Variants in ASIC2 observed in about 807,000 individuals in gnomAD.
ASIC2 encodes the protein acid-sensing ion channel 2.
Under a neutral mutation model 57.3 loss-of-function variants are expected in ASIC2, and 25 were observed. That is an observed-to-expected ratio of 0.44 (90% CI 0.32 to 0.61). The LOEUF is 0.61. ASIC2 is among the 20% of genes least tolerant of loss of function. The probability of loss-of-function intolerance (pLI) is 0.06; values close to 1 mark genes in which losing one functional copy is unlikely to be tolerated. For synonymous variants in ASIC2, 319 were observed against 307.5 expected, an observed-to-expected ratio of 1.04 and a Z score of -0.39; for missense variants, 641 against 738.1, an observed-to-expected ratio of 0.87 and a Z score of 1.52.
chr17:33,731,780 A>G (rs1471023967), intron 1 of ASIC2, among the ~76,000 whole-genome samples: 13 of 152,218 alleles, frequency 8.5e-5, no homozygotes, highest in Admixed American at 7.9e-4. Flanking sequence ...AGCTGGATGC[A>G]GGTCTATCTC....
At chr17:33,934,947 A>G (rs1231950400) in intron 1 of ASIC2, among the ~76,000 whole-genome samples, 3 of 152,152 alleles carry the variant, frequency 2.0e-5, no homozygotes, top group Admixed American at 6.5e-5. Flanking sequence ...TGTGCTGGAA[A>G]GGTCCTCATA....
At chr17:34,102,313 G>A (rs1448199667) in intron 1 of ASIC2, among the ~76,000 whole-genome samples, 1 of 152,010 alleles carries the variant, frequency 6.6e-6, no homozygotes, top group African/African-American at 2.4e-5. Context: ...CTAGGTGACA[G>A]AGTGAGACTC....
intron 1 of ASIC2, among the ~76,000 whole-genome samples, chr17:33,330,230 A>G (rs1337639302): frequency 6.6e-6 from 1 of 152,146 alleles, no homozygotes; most frequent in Non-Finnish European, 1.5e-5. Flanking sequence ...ATTTAGGCTT[A>G]TTCTAGACTC....
At chr17:33,155,564 C>CTT (rs558082080) in intron 1 of ASIC2, among the ~76,000 whole-genome samples, 2,388 of 130,776 alleles carry the variant, frequency 0.018, 39 homozygotes, top group African/African-American at 0.027. Flanking sequence ...TTCTTTCTTT[C>CTT]TTTTTTTTTT....
Position 33,516,253 on chromosome 17 carries a change from C to T in ASIC2, c.556-404186G>A, listed in dbSNP as rs1371567991. ...GCCACCACCACTCCCACATTGCCTT[C>T]CTTCTTCACACACAACCAGAACGTG... is the stretch of plus-strand genomic sequence containing the variant. On this transcript the variant is annotated intron_variant, in intron 1 of 9. Transcript: ENST00000359872. Among the ~76,000 whole-genome samples the T allele has an allele frequency of 3.3e-5, 5 of 152,334 alleles. No individual in the cohort carries two copies. In the South Asian group the frequency reaches 6.2e-4, roughly 19 times the overall value.
At chr17:33,421,948 A>G (rs1911059200) in intron 1 of ASIC2, among the ~76,000 whole-genome samples, 1 of 152,184 alleles carries the variant, frequency 6.6e-6, no homozygotes, top group South Asian at 2.1e-4. Context: ...TAACAGCCTG[A>G]AAGTTTGGGG....
At chr17:33,150,907 G>C (rs953596320) in intron 1 of ASIC2, among the ~76,000 whole-genome samples, 2 of 150,074 alleles carry the variant, frequency 1.3e-5, no homozygotes, top group African/African-American at 4.9e-5. Context: ...TCAGGCACTT[G>C]TAATCCCAGC....
At chr17:33,947,586 A>G (rs1338468238) in intron 1 of ASIC2, among the ~76,000 whole-genome samples, 1 of 151,282 alleles carries the variant, frequency 6.6e-6, no homozygotes, top group Admixed American at 6.6e-5. Context: ...GCAAAGGGAC[A>G]TTCGCATGCA....
At chr17:34,115,597 A>G (rs998629073) in intron 1 of ASIC2, among the ~76,000 whole-genome samples, 1 of 152,200 alleles carries the variant, frequency 6.6e-6, no homozygotes, top group African/African-American at 2.4e-5. Context: ...CCTTCTCTTA[A>G]CTTCTATTCT....
chr17:33,375,411 G>A (rs1909240939), intron 1 of ASIC2, among the ~76,000 whole-genome samples: 1 of 152,182 alleles, frequency 6.6e-6, no homozygotes, highest in South Asian at 2.1e-4. Flanking sequence ...AGAGTGGCAG[G>A]AGAAGAGGTC....
chr17:33,704,699 C>G (rs1908811255), intron 1 of ASIC2, among the ~76,000 whole-genome samples: 1 of 152,156 alleles, frequency 6.6e-6, no homozygotes, highest in Admixed American at 6.5e-5. Flanking sequence ...TCACATTCTG[C>G]CTCTGCTGCC....
chr17:33,582,797 G>A (rs1268556320), intron 1 of ASIC2, among the ~76,000 whole-genome samples: 1 of 151,618 alleles, frequency 6.6e-6, no homozygotes, highest in Non-Finnish European at 1.5e-5. Flanking sequence ...ACATTCCAAA[G>A]CTTCATTTTC....
At chr17:33,805,935 C>T (rs1343164681) in intron 1 of ASIC2, among the ~76,000 whole-genome samples, 1 of 152,214 alleles carries the variant, frequency 6.6e-6, no homozygotes, top group Non-Finnish European at 1.5e-5. Context: ...CATCCATATA[C>T]ACACACTTGC....
Position 33,817,223 on chromosome 17 carries a change from G to A in ASIC2, c.555+338755C>T, listed in dbSNP as rs892190587. 3.0e-4 allele frequency among the ~76,000 whole-genome samples: 45 copies of A among 152,348 alleles called. 1 individual carries two copies. The highest frequency in any genetic ancestry group is 6.7e-4 in the African/African-American group (28 of 41,582). Reference sequence around the variant, plus strand: ...TAGCCCAGGATGCATCCTTACCTGAGGCACTTGGGATTTAAACAACCTCAT... The same window carrying A: ...TAGCCCAGGATGCATCCTTACCTGAAGCACTTGGGATTTAAACAACCTCAT... On this transcript the variant is annotated intron_variant, in intron 1 of 9. Transcript: ENST00000359872.
rs564607330 is a variant in ASIC2 at position 33,033,753 on chromosome 17, G to A, written c.988-5361C>T. On this transcript the variant is annotated intron_variant, in intron 3 of 9. Transcript: ENST00000225823. ...CAGAGAAGGCCTGAAGGCTGTGGGA[G>A]GGACTGCCAGTCTTGCTCACTGGAG... Among the ~76,000 whole-genome samples the A allele has an allele frequency of 8.1e-4, 124 of 152,336 alleles. 1 individual carries two copies. The highest frequency in any genetic ancestry group is 2.8e-3 in the African/African-American group (118 of 41,590).
intron 1 of ASIC2, among the ~76,000 whole-genome samples, chr17:33,264,522 G>A (rs1421033435): frequency 6.6e-6 from 1 of 152,246 alleles, no homozygotes; most frequent in African/African-American, 2.4e-5. Context: ...CTCCTTTCCT[G>A]TGATCAGAAC....
At chr17:33,760,532 G>C (rs1220687840) in intron 1 of ASIC2, among the ~76,000 whole-genome samples, 1 of 151,848 alleles carries the variant, frequency 6.6e-6, no homozygotes, top group Non-Finnish European at 1.5e-5. Context: ...GTGTGTGTGT[G>C]TGTGCCATAG....
chr17:33,979,307 CA>C (rs1468607631), intron 1 of ASIC2, among the ~76,000 whole-genome samples: 1 of 152,118 alleles, frequency 6.6e-6, no homozygotes, highest in African/African-American at 2.4e-5. Flanking sequence ...GCTGCTGCTC[CA>C]TGCCTACCAC....
At chr17:33,648,611 T>G (rs1381593969) in intron 1 of ASIC2, among the ~76,000 whole-genome samples, 1 of 152,212 alleles carries the variant, frequency 6.6e-6, no homozygotes, top group Non-Finnish European at 1.5e-5. Flanking sequence ...CAGCCTGCAT[T>G]GTGAAACTCT....
Sources: allele counts gnomAD v4.1 joint callset (sites outside exome capture counted in the v4.1 genomes callset), GRCh38; gene constraint gnomAD v4.1.1; transcripts MANE v1.5; gene names NCBI Gene and HGNC (gene_info 2026-07-23, HGNC 2026-07-21).